The following UMAD1 variants were observed in gnomAD, a reference collection of about 807,000 sequenced individuals.
UMAD1 encodes the protein UBAP1-MVB12-associated (UMA)-domain containing protein 1.
In UMAD1, 8 loss-of-function variants were observed where a neutral mutation model predicts 6.1. The ratio of observed to expected loss-of-function variants is 1.30; its 90% confidence interval spans 0.76 to 2.35. UMAD1 has a LOEUF of 2.35. Ranked by LOEUF, UMAD1 falls within the 30% of genes most tolerant of loss-of-function variation. The probability of loss-of-function intolerance (pLI) is 0.00; values close to 1 mark genes in which losing one functional copy is unlikely to be tolerated. For missense variants in UMAD1, 130 were observed against 78.4 expected, an observed-to-expected ratio of 1.66 and a Z score of -2.49; for synonymous variants, 56 against 31.4, an observed-to-expected ratio of 1.78 and a Z score of -2.61.
At chr7:7,863,058 T>G (rs1326524383) in intron 3 of UMAD1, among the ~76,000 whole-genome samples, 1 of 152,124 alleles carries the variant, frequency 6.6e-6, no homozygotes, top group African/African-American at 2.4e-5. Context: ...TGGATTACCT[T>G]GTTAGAGATT....
At chr7:7,779,954 A>G (rs1490506790) in intron 2 of UMAD1, among the ~76,000 whole-genome samples, 1 of 152,162 alleles carries the variant, frequency 6.6e-6, no homozygotes, top group East Asian at 1.9e-4. Flanking sequence ...CAAGTTTCTT[A>G]ATATATTAAT....
chr7:7,773,663 T>G (rs1007601308), intron 2 of UMAD1, among the ~76,000 whole-genome samples: 1 of 152,222 alleles, frequency 6.6e-6, no homozygotes, highest in African/African-American at 2.4e-5. Flanking sequence ...TTATACAGAT[T>G]GCCCAACACA....
At chr7:7,708,928 T>G (rs1374829870) in intron 2 of UMAD1, among the ~76,000 whole-genome samples, 1 of 151,478 alleles carries the variant, frequency 6.6e-6, no homozygotes, top group Non-Finnish European at 1.5e-5. Flanking sequence ...TTTGTGTGTC[T>G]GTGTGTGTGT....
At chr7:7,771,837 A>G (rs909664738) in intron 2 of UMAD1, among the ~76,000 whole-genome samples, 2 of 152,272 alleles carry the variant, frequency 1.3e-5, no homozygotes, top group South Asian at 2.1e-4. Flanking sequence ...AAGGTTACCC[A>G]TAGGAGGTGT....
intron 2 of UMAD1, among the ~76,000 whole-genome samples, chr7:7,796,419 T>A (rs993566566): frequency 6.6e-6 from 1 of 151,690 alleles, no homozygotes; most frequent in African/African-American, 2.4e-5. Flanking sequence ...ACCCGGCTAA[T>A]TTTGCATTTT....
chr7:7,868,859 A>G (rs1324393684), intron 3 of UMAD1, among the ~76,000 whole-genome samples: 1 of 152,214 alleles, frequency 6.6e-6, no homozygotes. Flanking sequence ...TTCAATTTTA[A>G]AATCAAGTCT....
chr7:7,796,987 T>C (rs780439756), intron 2 of UMAD1, among the ~76,000 whole-genome samples: 22 of 152,182 alleles, frequency 1.4e-4, no homozygotes, highest in Non-Finnish European at 2.2e-4. Context: ...AGTGTATTAG[T>C]CTGTTTATGT....
intron 3 of UMAD1, among the ~76,000 whole-genome samples, chr7:7,838,228 A>G (rs1367097652): frequency 1.3e-5 from 2 of 152,142 alleles, no homozygotes; most frequent in East Asian, 3.8e-4. Context: ...TCCTCTTTGC[A>G]CCATACTTAG....
intron 3 of UMAD1, among the ~76,000 whole-genome samples, chr7:7,810,240 A>T (rs1045560482): frequency 6.6e-6 from 1 of 152,102 alleles, no homozygotes; most frequent in African/African-American, 2.4e-5. Flanking sequence ...AATATAATGG[A>T]TATTGCTATT....
intron 3 of UMAD1, among the ~76,000 whole-genome samples, chr7:7,850,128 C>G (rs116746808): frequency 0.021 from 3,159 of 152,150 alleles, 121 homozygotes; most frequent in African/African-American, 0.072. Context: ...TATATAAATC[C>G]TAGAGCAATT....
chr7:7,817,822 C>G (rs1443363104), intron 3 of UMAD1, among the ~76,000 whole-genome samples: 2 of 152,056 alleles, frequency 1.3e-5, no homozygotes, highest in African/African-American at 2.4e-5. Context: ...CCCCCCACCC[C>G]CTTTTCTTTG....
intron 3 of UMAD1, among the ~76,000 whole-genome samples, chr7:7,846,310 T>C (rs545734987): frequency 3.9e-5 from 6 of 152,194 alleles, no homozygotes; most frequent in Non-Finnish European, 8.8e-5. Flanking sequence ...TTCTTTAAAA[T>C]ATCTTTAGTC....
chr7:7,728,924 A>G (rs1321083995), intron 2 of UMAD1, among the ~76,000 whole-genome samples: 1 of 152,230 alleles, frequency 6.6e-6, no homozygotes, highest in Non-Finnish European at 1.5e-5. Context: ...CTGTGCCCTC[A>G]TAGAACTGAC....
intron 2 of UMAD1, among the ~76,000 whole-genome samples, chr7:7,801,351 T>G (rs1782795214): frequency 6.6e-6 from 1 of 152,258 alleles, no homozygotes. Context: ...TAATTTGCCT[T>G]AAGTCATAAG....
At chr7:7,826,734 T>G (rs966141740) in intron 3 of UMAD1, among the ~76,000 whole-genome samples, 3 of 152,130 alleles carry the variant, frequency 2.0e-5, no homozygotes, top group Non-Finnish European at 2.9e-5. Flanking sequence ...TATAACAGCT[T>G]TCATTTACAT....
In UMAD1 at chr7:7,681,746, C is replaced by G. The variant is rs78202090; in HGVS notation, c.82+8293C>G. On this transcript the variant is annotated intron_variant, in intron 2 of 3. Transcript: ENST00000682710. The stretch of plus-strand genomic sequence containing the variant: ...GCAAGCATGGCACTATTCGTAATTA[C>G]CAGGGTTTTCTCCTGTTATGACATG... Among the ~76,000 whole-genome samples, 257 of 152,132 alleles carry G rather than the reference C, an allele frequency of 1.7e-3. 7 individuals carry two copies. In the East Asian group the frequency reaches 0.043, roughly 26 times the overall value.
chr7:7,764,028 A>C (rs1450019237), intron 2 of UMAD1, among the ~76,000 whole-genome samples: 1 of 152,244 alleles, frequency 6.6e-6, no homozygotes, highest in Non-Finnish European at 1.5e-5. Flanking sequence ...ATTCAGCCTA[A>C]GAAAATGCAA....
At chr7:7,671,538 G>A (rs1176867247) in intron 1 of UMAD1, among the ~76,000 whole-genome samples, 1 of 152,134 alleles carries the variant, frequency 6.6e-6, no homozygotes, top group Non-Finnish European at 1.5e-5. Flanking sequence ...TTAACTGTTC[G>A]AGGTTGAAAA....
chr7:7,688,342 G>A (rs1780087379), intron 2 of UMAD1, among the ~76,000 whole-genome samples: 1 of 152,058 alleles, frequency 6.6e-6, no homozygotes, highest in Non-Finnish European at 1.5e-5. Context: ...TACTAGTTTG[G>A]CGTCAGAAAG....
Sources: gnomAD v4.1 joint callset for allele counts (sites outside exome capture counted in the v4.1 genomes callset) on GRCh38, gnomAD v4.1.1 for gene constraint, MANE v1.5 for transcripts, NCBI Gene and HGNC (gene_info 2026-07-23, HGNC 2026-07-21) for gene names.